Variants in SETBP1 observed in about 807,000 individuals in gnomAD.
The protein encoded by SETBP1 is SET-binding protein.
SETBP1 carries 9 observed loss-of-function variants against 101.0 expected under a neutral mutation model. That is an observed-to-expected ratio of 0.09 (90% confidence interval 0.05 to 0.16). The LOEUF (loss-of-function observed/expected upper bound fraction) is 0.16. Among genes scored for constraint, SETBP1 ranks in the 10% least tolerant of loss-of-function variants. The pLI, the probability that SETBP1 is intolerant of heterozygous loss-of-function variation, is 1.00. For synonymous variants in SETBP1, 818 were observed against 788.5 expected (o/e 1.04, Z -0.63); for missense variants, 1,858 against 2,033.8 (o/e 0.91, Z 1.66).
At chr18:44,688,420 A>G (rs1360080280) in intron 1 of SETBP1, among the ~76,000 whole-genome samples, 1 of 151,998 alleles carries the variant, frequency 6.6e-6, no homozygotes, top group Non-Finnish European at 1.5e-5. Flanking sequence ...CAAGTCCTGT[A>G]CAGTTGTTGG....
intron 4 of SETBP1, among the ~76,000 whole-genome samples, chr18:44,967,965 C>G (rs1369086839): frequency 6.6e-6 from 1 of 152,114 alleles, no homozygotes; most frequent in Non-Finnish European, 1.5e-5. Context: ...TATATTTCTC[C>G]TTGTGATCTG....
chr18:44,818,745 GCACACACT>G (rs1048801653), intron 2 of SETBP1, among the ~76,000 whole-genome samples: 25 of 108,148 alleles, frequency 2.3e-4, no homozygotes, highest in East Asian at 5.3e-4. Flanking sequence ...GAAAAGACAC[GCACACACT>G]CACACACACA....
At chr18:45,059,120 T>C (rs746274577) in intron 5 of SETBP1, among the ~76,000 whole-genome samples, 24 of 152,186 alleles carry the variant, frequency 1.6e-4, no homozygotes, top group Non-Finnish European at 2.9e-4. Context: ...GTAGACAGAA[T>C]AGCATTAATA....
intron 4 of SETBP1, among the ~76,000 whole-genome samples, chr18:44,973,784 G>A (rs2071922770): frequency 6.6e-6 from 1 of 152,188 alleles, no homozygotes; most frequent in Non-Finnish European, 1.5e-5. Flanking sequence ...GATAGCCGCG[G>A]TAAGTGGAGA....
chr18:44,787,815 C>CT (rs2071272010), intron 2 of SETBP1, among the ~76,000 whole-genome samples: 1 of 111,434 alleles, frequency 9.0e-6, no homozygotes, highest in African/African-American at 3.4e-5. Context: ...GATTGCGCCA[C>CT]TGCAGTCCGC....
At chr18:44,942,937 G>T (rs562548447) in intron 3 of SETBP1, among the ~76,000 whole-genome samples, 29 of 152,282 alleles carry the variant, frequency 1.9e-4, no homozygotes, top group African/African-American at 7.0e-4. Context: ...GAATTCCCAG[G>T]GTGACAGAAT....
chr18:44,961,998 C>A (rs1434622931), intron 4 of SETBP1, among the ~76,000 whole-genome samples: 1 of 152,208 alleles, frequency 6.6e-6, no homozygotes, highest in Non-Finnish European at 1.5e-5. Flanking sequence ...TAAAAACTTG[C>A]ACTCTTAAAA....
chr18:44,953,186 T>A lies in SETBP1; in HGVS notation c.3846T>A (p.Ser1282Arg), dbSNP rs748305579. Residue 1282 changes from serine (S) to arginine (R), a missense_variant, in exon 4 of 6, where the codon AGT (serine) becomes AGA (arginine). Transcript: ENST00000649279. ...STRSENLDVF[S>R]EMNPSNDKWD... ...GATCAGAGAACCTGGACGTGTTCAG[T>A]GAAATGAACCCTTCGAATGACAAGT... The A allele has an allele frequency of 6.2e-7, 1 of 1,613,762 alleles. No individual in the cohort carries two copies. Among genetic ancestry groups the A allele is most frequent in the Non-Finnish European group, 8.5e-7 (1 of 1,179,956 alleles).
chr18:45,021,158 A>G (rs1448022000), intron 4 of SETBP1, among the ~76,000 whole-genome samples: 6 of 152,262 alleles, frequency 3.9e-5, no homozygotes, highest in African/African-American at 1.4e-4. Flanking sequence ...TGAATATCAC[A>G]ACACATATCA....
rs368397797 is a variant in SETBP1, at chr18:44,749,283, C to T, written c.486+47451C>T. On this transcript the variant is annotated intron_variant, in intron 2 of 5. Coordinates refer to ENST00000649279, the MANE Select transcript of SETBP1 (RefSeq NM_015559.3). ...CCATTTTATAAAAGAGAAGGTGAGGCGCAGAGATGCAAGTGATACTCTGGC... is the reference window on the plus strand; with the variant it reads ...CCATTTTATAAAAGAGAAGGTGAGGTGCAGAGATGCAAGTGATACTCTGGC... Among the ~76,000 whole-genome samples, 11 of 152,248 alleles carry T rather than the reference C, an allele frequency of 7.2e-5. No homozygotes were observed. The East Asian group carries it at 1.7e-3, about 24-fold the overall frequency.
intron 2 of SETBP1, among the ~76,000 whole-genome samples, chr18:44,717,115 G>A (rs1317023621): frequency 1.3e-5 from 2 of 152,180 alleles, no homozygotes; most frequent in African/African-American, 4.8e-5. Context: ...GAGGCAGCCA[G>A]GAGGTTGTGA....
chr18:44,983,229 C>T (rs553787579), intron 4 of SETBP1, among the ~76,000 whole-genome samples: 1 of 151,968 alleles, frequency 6.6e-6, no homozygotes, highest in African/African-American at 2.4e-5. Flanking sequence ...AGATTTTGTG[C>T]GTATCAAAAC....
Position 45,063,924 on chromosome 18 carries a change from C to T in SETBP1, c.*226C>T. 1 of 510,956 alleles carries T rather than the reference C, an allele frequency of 2.0e-6. No individual in the cohort carries two copies. Among genetic ancestry groups the T allele is most frequent in the Non-Finnish European group, 3.5e-6 (1 of 282,070 alleles). 31.7% of individuals were successfully genotyped at this position (510,956 alleles called of 1,614,324 possible). A position where few individuals can be genotyped will look rare whatever the true frequency, so the allele number is the denominator to read the frequency against. On this transcript the variant is annotated 3_prime_UTR_variant, in exon 6 of 6. Coordinates refer to ENST00000649279, the MANE Select transcript of SETBP1 (RefSeq NM_015559.3). Reference sequence around the variant, plus strand: ...GAAGCTTGTCTGAGCTTCACCGCAGCTCCCACCACGCGGCGCTTCAGTACG... The same window carrying T: ...GAAGCTTGTCTGAGCTTCACCGCAGTTCCCACCACGCGGCGCTTCAGTACG...
intron 3 of SETBP1, among the ~76,000 whole-genome samples, chr18:44,906,269 A>G (rs1453071058): frequency 6.6e-6 from 1 of 152,184 alleles, no homozygotes; most frequent in African/African-American, 2.4e-5. Flanking sequence ...ACAACTCTGT[A>G]GAAAGCTCCA....
intron 3 of SETBP1, among the ~76,000 whole-genome samples, chr18:44,928,249 G>A (rs2144973316): frequency 6.6e-6 from 1 of 152,260 alleles, no homozygotes; most frequent in East Asian, 1.9e-4. Flanking sequence ...TCCCTACAAA[G>A]GACATGAACT....
intron 2 of SETBP1, among the ~76,000 whole-genome samples, chr18:44,728,460 G>C (rs574013712): frequency 6.6e-6 from 1 of 152,306 alleles, no homozygotes; most frequent in Non-Finnish European, 1.5e-5. Flanking sequence ...ACCTGTTACT[G>C]ATGTTCCATA....
At chr18:45,026,632 A>G (rs906693612) in intron 4 of SETBP1, among the ~76,000 whole-genome samples, 1 of 152,278 alleles carries the variant, frequency 6.6e-6, no homozygotes, top group African/African-American at 2.4e-5. Context: ...TCTTACTTAC[A>G]TGCACGCATT....
chr18:44,693,373 C>G (rs532213910), intron 1 of SETBP1, among the ~76,000 whole-genome samples: 1 of 152,144 alleles, frequency 6.6e-6, no homozygotes, highest in African/African-American at 2.4e-5. Context: ...AGTTTGAAAC[C>G]AAGAATGGCA....
At chr18:44,930,586 G>T (rs1016623640) in intron 3 of SETBP1, among the ~76,000 whole-genome samples, 2 of 152,040 alleles carry the variant, frequency 1.3e-5, no homozygotes, top group African/African-American at 4.8e-5. Flanking sequence ...TTGATTGGTA[G>T]GCTATTAATT....
Sources: allele counts gnomAD v4.1 joint callset (sites outside exome capture counted in the v4.1 genomes callset), GRCh38; gene constraint gnomAD v4.1.1; transcripts MANE v1.5; gene names NCBI Gene and HGNC (gene_info 2026-07-23, HGNC 2026-07-21).